Variants in MYH1 observed in about 807,000 individuals in gnomAD.
The protein encoded by MYH1 is myosin-1.
In MYH1, 214 loss-of-function variants were observed where a neutral mutation model predicts 225.6. That is an observed-to-expected ratio of 0.95 (90% CI 0.85 to 1.06). The LOEUF is 1.06. Ranked by LOEUF, MYH1 falls within the 50% of genes least tolerant of loss-of-function variation. MYH1 has a pLI of 0.00. For synonymous variants in MYH1, 774 were observed against 842.3 expected, an observed-to-expected ratio of 0.92 and a Z score of 1.40; for missense variants, 2,098 against 2,344.2, an observed-to-expected ratio of 0.89 and a Z score of 2.17.
At position 10,497,335 on chromosome 17, in the gene MYH1, AT is replaced by A. The variant is rs775579728; in HGVS notation, c.4482del (p.Glu1494AspfsTer3). The A allele has an allele frequency of 5.6e-6, 9 of 1,612,510 alleles. No homozygotes were observed. The African/African-American group carries it at 9.3e-5, about 17-fold the overall frequency. The part of the protein sequence containing the change: ...ELFKIKNAYE[E>X]SLDQLETLKR... ...TTCAAGGTTTCAAGTTGGTCTAAAG[AT>A]TCCTCATAAGCATTCTTAATCTTAA... On this transcript the variant is annotated frameshift_variant, in exon 32 of 40. Coordinates refer to ENST00000226207, the MANE Select transcript of MYH1 (RefSeq NM_005963.4). LOFTEE classifies it high-confidence loss of function.
intron 15 of MYH1, among the ~76,000 whole-genome samples, chr17:10,509,266 T>G (rs539870571): frequency 2.4e-4 from 36 of 152,318 alleles, no homozygotes; most frequent in African/African-American, 7.9e-4. Context: ...TGTAAGACTT[T>G]GTATTGCAAA....
In MYH1 at chr17:10,498,762, C is replaced by A; in HGVS notation, c.4045G>T (p.Glu1349Ter). ...GCTTCCTGCTCCTCCTCATACTGTT[C>A]CCGCAGCAGGTCACAGTCATGGCGG... ...SSRHDCDLLR[E>*]QYEEEQEAKA... The change falls in exon 30 of 40, where the codon GAA becomes TAA. Residue 1349 changes from glutamate to a stop codon, truncating the protein, a stop_gained. Coordinates refer to ENST00000226207, the MANE Select transcript of MYH1 (RefSeq NM_005963.4). LOFTEE classifies it high-confidence loss of function. 3 of 1,614,212 alleles carry A rather than the reference C, an allele frequency of 1.9e-6. No individual in the cohort carries two copies. Among genetic ancestry groups the A allele is most frequent in the Non-Finnish European group, 2.5e-6 (3 of 1,180,016 alleles).
intron 17 of MYH1, among the ~76,000 whole-genome samples, chr17:10,506,484 T>TTTC (rs553558426): frequency 6.6e-6 from 1 of 152,086 alleles, no homozygotes; most frequent in Non-Finnish European, 1.5e-5. Context: ...TTCTTTGTCT[T>TTTC]TTCTTCTTCT....
chr17:10,492,378 TG>T lies in MYH1; in HGVS notation c.*37del. 1 of 1,602,750 alleles carries T rather than the reference TG, an allele frequency of 6.2e-7. No individual in the cohort carries two copies. The highest frequency in any genetic ancestry group is 8.5e-7 in the Non-Finnish European group (1 of 1,175,906). On this transcript the variant is annotated 3_prime_UTR_variant, in exon 40 of 40. Transcript: ENST00000226207. ...TGGAGTGACAAAGATTTTCACATTT[TG>T]TGCATTTCTTTGGTCACCTTTCAGC... is the stretch of plus-strand genomic sequence containing the variant.
intron 35 of MYH1, 109 bp from the exon 36 acceptor site, chr17:10,495,426 C>T (rs2072979263): frequency 7.3e-7 from 1 of 1,376,492 alleles, no homozygotes; most frequent in Admixed American, 2.1e-5. Flanking sequence ...CATTAATATT[C>T]CTCCTTGTTT....
In MYH1 at chr17:10,498,754, A is replaced by G. The variant is rs2073022045; in HGVS notation, c.4053T>C (p.Tyr1351=). The change falls in exon 30 of 40, where the codon TAT becomes TAC. Residue 1351 remains tyrosine, a synonymous_variant. Coordinates refer to ENST00000226207, the MANE Select transcript of MYH1 (RefSeq NM_005963.4). ...CGGCCTTGGCTTCCTGCTCCTCCTC[A>G]TACTGTTCCCGCAGCAGGTCACAGT... ...RHDCDLLREQ[Y]EEEQEAKAEL... 1.2e-6 allele frequency: 2 copies of G among 1,614,126 alleles called. No homozygotes were observed. The highest frequency in any genetic ancestry group is 1.7e-6 in the Non-Finnish European group (2 of 1,180,010).
chr17:10,514,261 T>C, intron 6 of MYH1, 137 bp from the exon 7 acceptor site: 1 of 1,062,230 alleles, frequency 9.4e-7, no homozygotes, highest in Non-Finnish European at 1.4e-6. Context: ...TCGTATTATT[T>C]CTTTTGCTTT....
intron 14 of MYH1, among the ~76,000 whole-genome samples, chr17:10,510,092 G>A (rs968440452): frequency 3.3e-5 from 5 of 152,102 alleles, no homozygotes; most frequent in East Asian, 3.9e-4. Flanking sequence ...GGCTTCATAC[G>A]TGGGCGACAC....
At position 10,512,419 on chromosome 17, in the gene MYH1, T is replaced by G. The variant is rs770448071; in HGVS notation, c.1136A>C (p.Asp379Ala). The change falls in exon 12 of 40, where the codon GAT becomes GCT. Residue 379 changes from aspartate (D) to alanine (A), a missense_variant. Asp to Ala is a moderately radical substitution (Grantham distance 126, BLOSUM62 -2). Transcript: ENST00000226207. ...GATTCATTTGGTACCTTCAGTGCCA[T>G]CTGGCTCAGCTTGCTCCTCACGCTG... is the stretch of plus-strand genomic sequence containing the variant. ...QKQREEQAEP[D>A]GTEVADKAAY... The G allele has an allele frequency of 1.2e-6, 2 of 1,614,194 alleles. No homozygotes were observed. The highest frequency in any genetic ancestry group is 1.7e-6 in the Non-Finnish European group (2 of 1,180,016).
intron 30 of MYH1, 51 bp downstream of exon 30, chr17:10,498,575 T>G: frequency 1.2e-6 from 2 of 1,611,566 alleles, no homozygotes; most frequent in East Asian, 4.5e-5. Flanking sequence ...TTTCATATGT[T>G]TTGGGAGCAA....
At position 10,512,115 on chromosome 17, in the gene MYH1, C is replaced by T; in HGVS notation, c.1225G>A (p.Val409Ile). Residue 409 changes from valine (V) to isoleucine (I), a missense_variant, in exon 13 of 40, where the codon GTC (valine) becomes ATC (isoleucine). By Grantham distance (29) the Val-to-Ile change is conservative. Coordinates refer to ENST00000226207, the MANE Select transcript of MYH1 (RefSeq NM_005963.4). ...LKALCYPRVK[V>I]GNEYVTKGQT... is the part of the protein sequence containing the mutation. ...CCTTTGGTGACATACTCATTGCCGA[C>T]CTTGACCCTAGGGTAGCAGAGGGCT... The T allele has an allele frequency of 6.2e-7, 1 of 1,614,176 alleles. No individual in the cohort carries two copies. The highest frequency in any genetic ancestry group is 8.5e-7 in the Non-Finnish European group (1 of 1,180,022).
chr17:10,492,797 C>T (rs1274733203), intron 39 of MYH1, among the ~76,000 whole-genome samples: 6 of 151,494 alleles, frequency 4.0e-5, no homozygotes, highest in South Asian at 2.1e-4. Context: ...ACTTTTAGAA[C>T]AGCAGAACAT....
intron 5 of MYH1, 142 bp from the exon 6 acceptor site, chr17:10,515,037 C>T: frequency 1.4e-6 from 1 of 735,092 alleles, no homozygotes; most frequent in South Asian, 1.7e-5. Flanking sequence ...TGGGTGTGTC[C>T]TGCTGGTTTA....
At position 10,511,838 on chromosome 17, in the gene MYH1, C is replaced by A; in HGVS notation, c.1416+1G>T. Reference sequence around the variant, plus strand: ...TTGGTACAATTTTTCTGCTAACTCACATCAAAGATCTCAAAGCCAGCAATG... The same window carrying A: ...TTGGTACAATTTTTCTGCTAACTCAAATCAAAGATCTCAAAGCCAGCAATG... On this transcript the variant is annotated splice_donor_variant, in intron 14 of 39. Coordinates refer to ENST00000226207, the MANE Select transcript of MYH1 (RefSeq NM_005963.4). LOFTEE classifies it high-confidence loss of function. 1 of 1,614,158 alleles carries A rather than the reference C, an allele frequency of 6.2e-7. No individual in the cohort carries two copies. Among genetic ancestry groups the A allele is most frequent in the Non-Finnish European group, 8.5e-7 (1 of 1,180,004 alleles).
rs747772619 is a variant in MYH1, at chr17:10,505,529, A to C, written c.2175-18T>G. ...CCTTGTATCTGTTTAAGCCAGACAAAAAAATGATATGGCTGTTGCCACAGA... is the reference window on the plus strand; with the variant it reads ...CCTTGTATCTGTTTAAGCCAGACAACAAAATGATATGGCTGTTGCCACAGA... On this transcript the variant is annotated intron_variant, in intron 19 of 39. Coordinates refer to ENST00000226207, the MANE Select transcript of MYH1 (RefSeq NM_005963.4). 3 of 1,610,914 alleles carry C rather than the reference A, an allele frequency of 1.9e-6. No homozygotes were observed. The African/African-American group carries it at 4.0e-5, about 22-fold the overall frequency.
In MYH1 at chr17:10,507,963, G is replaced by C; in HGVS notation, c.1898-7C>G. 1 of 1,610,692 alleles carries C rather than the reference G, an allele frequency of 6.2e-7. No homozygotes were observed. The highest frequency in any genetic ancestry group is 1.7e-5 in the Admixed American group (1 of 59,826). On this transcript the variant is annotated splice_polypyrimidine_tract_variant and splice_region_variant and intron_variant, in intron 16 of 39. Coordinates refer to ENST00000226207, the MANE Select transcript of MYH1 (RefSeq NM_005963.4). ...TTCTTTCCACCGCCAGCCTCTGAGG[G>C]GAAAAAGAAAGCAATCATAGGACAG... is the stretch of plus-strand genomic sequence containing the variant.
chr17:10,500,683 G>T lies in MYH1; in HGVS notation c.3808C>A (p.Gln1270Lys). The change falls in exon 28 of 40, where the codon CAG becomes AAG. Residue 1270 changes from glutamine to lysine, a missense_variant. Physicochemically the swap from Gln to Lys is moderately conservative, Grantham distance 53. Transcript: ENST00000226207. ...GTGAGGTCATTGATCAGCCGCTGCT[G>T]CTCCTCTTCCTTGGTCTTAATTTCA... ...LSEIKTKEEEQQRLINDLTAQ... is the reference protein window; with the variant it reads ...LSEIKTKEEEKQRLINDLTAQ... 1 of 1,614,090 alleles carries T rather than the reference G, an allele frequency of 6.2e-7. No individual in the cohort carries two copies. Among genetic ancestry groups the T allele is most frequent in the South Asian group, 1.1e-5 (1 of 91,072 alleles).
chr17:10,505,647 T>C, intron 19 of MYH1, 136 bp from the exon 20 acceptor site: 3 of 1,364,616 alleles, frequency 2.2e-6, no homozygotes, highest in Admixed American at 4.9e-5. Flanking sequence ...ATCTATCCTC[T>C]GTTTATTCAA....
In MYH1 at chr17:10,499,389, C is replaced by T. The variant is rs565874131; in HGVS notation, c.3866-297G>A. ...AACATGAAAAAAATGTAAATCAAGC[C>T]AACAAAATATTCTAGTACTTTTTAT... is the stretch of plus-strand genomic sequence containing the variant. On this transcript the variant is annotated intron_variant, in intron 28 of 39. Coordinates refer to ENST00000226207, the MANE Select transcript of MYH1 (RefSeq NM_005963.4). Among the ~76,000 whole-genome samples, 17 of 152,242 alleles carry T rather than the reference C, an allele frequency of 1.1e-4. No homozygotes were observed. In the East Asian group the frequency reaches 3.3e-3, roughly 29 times the overall value.
Sources: gnomAD v4.1 joint callset for allele counts (sites outside exome capture counted in the v4.1 genomes callset) on GRCh38, gnomAD v4.1.1 for gene constraint, MANE v1.5 for transcripts, NCBI Gene and HGNC (gene_info 2026-07-23, HGNC 2026-07-21) for gene names.